The following TIMM50 variants were observed in gnomAD, a reference collection of about 807,000 sequenced individuals.
TIMM50 encodes the protein mitochondrial import inner membrane translocase subunit TIM50.
Under a neutral mutation model 49.6 loss-of-function variants are expected in TIMM50, and 34 were observed. The ratio of observed to expected loss-of-function variants is 0.69; its 90% CI spans 0.52 to 0.91. TIMM50 has a LOEUF of 0.91. Among genes scored for constraint, TIMM50 ranks in the 40% least tolerant of loss-of-function variants. The pLI is 0.00. For synonymous variants in TIMM50, 199 were observed against 198.4 expected (o/e 1.00, Z -0.03); for missense variants, 458 against 477.8 (o/e 0.96, Z 0.39).
intron 2 of TIMM50, among the ~76,000 whole-genome samples, chr19:39,482,570 G>A (rs969413135): frequency 6.6e-6 from 1 of 151,732 alleles, no homozygotes; most frequent in Non-Finnish European, 1.5e-5. Flanking sequence ...TGAGGCAGGA[G>A]AATGGCGTGA....
chr19:39,486,356 G>T lies in TIMM50; in HGVS notation c.598-41G>T, dbSNP rs757361265. 4 of 1,613,306 alleles carry T rather than the reference G, an allele frequency of 2.5e-6. No homozygotes were observed. In the Admixed American group the frequency reaches 5.0e-5, roughly 20 times the overall value. The stretch of plus-strand genomic sequence containing the variant: ...GGAGGCGTAGAGATCTGGAGGACCA[G>T]GGCTCAGCCTGACCTTTTCTCGCTC... On this transcript the variant is annotated intron_variant, in intron 7 of 10. Coordinates refer to ENST00000607714, the MANE Select transcript of TIMM50 (RefSeq NM_001001563.5).
At position 39,480,876 on chromosome 19, in the gene TIMM50, T is replaced by C. The variant is rs1292883054; in HGVS notation, c.23T>C (p.Phe8Ser). Residue 8 changes from phenylalanine (F) to serine (S), a missense_variant, in exon 1 of 11, where the codon TTC (phenylalanine) becomes TCC (serine). By Grantham distance (155) the Phe-to-Ser change is radical (BLOSUM62 -2). Coordinates refer to ENST00000607714, the MANE Select transcript of TIMM50 (RefSeq NM_001001563.5). ...AAGATGGCGGCCTCGGCAGCGGTGT[T>C]CTCGCGCTTGCGAAGCGGGCTCCGG... The part of the protein sequence containing the change: MAASAAV[F>S]SRLRSGLRLG... 3 of 1,600,082 alleles carry C rather than the reference T, an allele frequency of 1.9e-6. No homozygotes were observed. The highest frequency in any genetic ancestry group is 4.5e-5 in the East Asian group (2 of 44,556).
At chr19:39,486,609 C>G in intron 8 of TIMM50, 114 bp downstream of exon 8, 1 of 952,526 alleles carries the variant, frequency 1.0e-6, no homozygotes, top group Non-Finnish European at 1.6e-6. Flanking sequence ...TGCCCAGATT[C>G]GATTCCTGCT....
chr19:39,490,025 G>C lies in TIMM50; in HGVS notation c.*205G>C, dbSNP rs1231405425. On this transcript the variant is annotated 3_prime_UTR_variant, in exon 11 of 11. Transcript: ENST00000607714. ...GGCTGATCGGCTGCCAAGCACAGTG[G>C]GGGTGCTTTGTTGGATCAGAGCAGA... 3.4e-6 allele frequency: 2 copies of C among 583,918 alleles called. No individual in the cohort carries two copies. The highest frequency in any genetic ancestry group is 6.1e-6 in the Non-Finnish European group (2 of 328,154). 36.2% of individuals were successfully genotyped at this position (583,918 alleles called of 1,614,324 possible). A position where few individuals can be genotyped will look rare whatever the true frequency, so the allele number is the denominator to read the frequency against.
Position 39,492,009 on chromosome 19 carries a change from G to A in TIMM50, c.*2189G>A, listed in dbSNP as rs1229941681. On this transcript the variant is annotated 3_prime_UTR_variant, in exon 11 of 11. Coordinates refer to ENST00000607714, the MANE Select transcript of TIMM50 (RefSeq NM_001001563.5). ...TGAGATTATAGGAGTGAGCCACTCT[G>A]CCCAACTACTTTTAATTAAATAGCC... 1 of 151,936 alleles carries A rather than the reference G, an allele frequency of 6.6e-6. No individual in the cohort carries two copies. 9.4% of individuals were successfully genotyped at this position (151,936 alleles called of 1,614,324 possible). A position where few individuals can be genotyped will look rare whatever the true frequency, so the allele number is the denominator to read the frequency against.
In TIMM50 at chr19:39,489,946, C is replaced by T. The variant is rs1309343924; in HGVS notation, c.*126C>T. The T allele has an allele frequency of 1.1e-6, 1 of 905,374 alleles. No individual in the cohort carries two copies. Among genetic ancestry groups the T allele is most frequent in the East Asian group, 2.7e-5 (1 of 37,570 alleles). The allele number at this position is 905,374 out of a possible 1,614,324, so 56.1% of individuals were successfully genotyped here. A position where few individuals can be genotyped will look rare whatever the true frequency, so the allele number is the denominator to read the frequency against. ...CACACCTGCTGTGTCCCGAGAGTCT[C>T]CAGATGGGGGCATCAGGGTGAGGTC... On this transcript the variant is annotated 3_prime_UTR_variant, in exon 11 of 11. Transcript: ENST00000607714.
chr19:39,487,023 G>A (rs916515370), intron 8 of TIMM50, among the ~76,000 whole-genome samples: 2 of 152,096 alleles, frequency 1.3e-5, no homozygotes, highest in Non-Finnish European at 2.9e-5. Flanking sequence ...GGCTGTGATC[G>A]AGGGTCTTGA....
Position 39,486,177 on chromosome 19 carries a change from G to A in TIMM50, c.493-10G>A, listed in dbSNP as rs1395773158. ...GTCTTGGTGTTTCACTGTCCTCACT[G>A]TCTTCCCAGCTGGCCACTGGCTGGA... On this transcript the variant is annotated splice_polypyrimidine_tract_variant and intron_variant, in intron 6 of 10. Transcript: ENST00000607714. 1 of 1,614,032 alleles carries A rather than the reference G, an allele frequency of 6.2e-7. No individual in the cohort carries two copies. Among genetic ancestry groups the A allele is most frequent in the Admixed American group, 1.7e-5 (1 of 60,024 alleles).
chr19:39,488,462 C>A, intron 9 of TIMM50, 77 bp from the exon 10 acceptor site: 1 of 1,385,534 alleles, frequency 7.2e-7, no homozygotes, highest in Non-Finnish European at 1.0e-6. Context: ...TGCCCCAGTG[C>A]GGGACGTTCC....
At chr19:39,483,991 G>A (rs1348672338) in intron 4 of TIMM50, among the ~76,000 whole-genome samples, 1 of 151,826 alleles carries the variant, frequency 6.6e-6, no homozygotes, top group Non-Finnish European at 1.5e-5. Context: ...GTAGCTGGGA[G>A]TACAGGCGCA....
chr19:39,488,365 A>C, intron 9 of TIMM50, 148 bp downstream of exon 9: 1 of 1,165,956 alleles, frequency 8.6e-7, no homozygotes, highest in South Asian at 1.5e-5. Context: ...TAGGATGTTC[A>C]TGGAATGTTT....
At position 39,491,490 on chromosome 19, in the gene TIMM50, G is replaced by C. The variant is rs1600744999; in HGVS notation, c.*1670G>C. On this transcript the variant is annotated 3_prime_UTR_variant, in exon 11 of 11. Coordinates refer to ENST00000607714, the MANE Select transcript of TIMM50 (RefSeq NM_001001563.5). ...CCCCACATAAAGTTTCTGAGCACTT[G>C]AAATGTGGCTAGTGTGACTGAGAAA... The C allele has an allele frequency of 6.6e-6, 1 of 151,536 alleles. No homozygotes were observed. The highest frequency in any genetic ancestry group is 2.0e-4 in the East Asian group (1 of 5,034). 9.4% of individuals were successfully genotyped at this position (151,536 alleles called of 1,614,324 possible).
chr19:39,486,180 T>A lies in TIMM50; in HGVS notation c.493-7T>A, dbSNP rs2079504256. The A allele has an allele frequency of 1.2e-6, 2 of 1,614,046 alleles. No homozygotes were observed. Among genetic ancestry groups the A allele is most frequent in the Non-Finnish European group, 1.7e-6 (2 of 1,179,928 alleles). ...TTGGTGTTTCACTGTCCTCACTGTC[T>A]TCCCAGCTGGCCACTGGCTGGAGGT... On this transcript the variant is annotated splice_polypyrimidine_tract_variant and splice_region_variant and intron_variant, in intron 6 of 10. Transcript: ENST00000607714.
Position 39,492,883 on chromosome 19 carries a change from A to AAC in TIMM50, c.*3064_*3065insCA, listed in dbSNP as rs1555752643. 1.4e-5 allele frequency: 2 copies of AAC among 138,528 alleles called. No homozygotes were observed. Among genetic ancestry groups the AAC allele is most frequent in the Non-Finnish European group, 3.1e-5 (2 of 63,802 alleles). 8.6% of individuals were successfully genotyped at this position (138,528 alleles called of 1,614,324 possible). A position where few individuals can be genotyped will look rare whatever the true frequency, so the allele number is the denominator to read the frequency against. On this transcript the variant is annotated 3_prime_UTR_variant, in exon 11 of 11. Coordinates refer to ENST00000607714, the MANE Select transcript of TIMM50 (RefSeq NM_001001563.5). ...AAGGCTCTGTCTCCAAAAAAAAAAA[A>AAC]AAAAAAAAACAAAAAAAAAACCAGT...
chr19:39,484,870 C>T lies in TIMM50; in HGVS notation c.314-674C>T, dbSNP rs150568789. 3.4e-3 allele frequency among the ~76,000 whole-genome samples: 510 copies of T among 152,172 alleles called. 12 individuals carry two copies. The East Asian group carries it at 0.051, about 15-fold the overall frequency. ...TGAGCCCAGGAGTTCAAGACCAGCC[C>T]GGTCAACAGAGCAAGACCCTGTCTC... On this transcript the variant is annotated intron_variant, in intron 4 of 10. Transcript: ENST00000607714.
In TIMM50 at chr19:39,481,951, T is replaced by A; in HGVS notation, c.177T>A (p.Gly59=). ...QGPQQQPGSE[G]PSYAKKVALW... is the part of the protein sequence containing the mutation. Reference sequence around the variant, plus strand: ...CACAGCAGCAGCCGGGCTCAGAGGGTCCCAGCTATGCCAAAAAAGTTGCGC... The same window carrying A: ...CACAGCAGCAGCCGGGCTCAGAGGGACCCAGCTATGCCAAAAAAGTTGCGC... Residue 59 remains glycine (G), a synonymous_variant, in exon 2 of 11, where the codon GGT becomes GGA. Coordinates refer to ENST00000607714, the MANE Select transcript of TIMM50 (RefSeq NM_001001563.5). 2 of 1,614,120 alleles carry A rather than the reference T, an allele frequency of 1.2e-6. No homozygotes were observed. The highest frequency in any genetic ancestry group is 8.5e-7 in the Non-Finnish European group (1 of 1,180,026).
intron 10 of TIMM50, 116 bp from the exon 11 acceptor site, chr19:39,489,603 G>T: frequency 3.9e-6 from 4 of 1,023,754 alleles, no homozygotes; most frequent in Non-Finnish European, 5.6e-6. Context: ...GTCTGGACTT[G>T]GCAGAAGTCA....
Position 39,492,475 on chromosome 19 carries a change from G to A in TIMM50, c.*2655G>A, listed in dbSNP as rs953657005. On this transcript the variant is annotated 3_prime_UTR_variant, in exon 11 of 11. Transcript: ENST00000607714. ...ATGGGGTGATGGTAGTATGTTAGCA[G>A]AGTGGTTGTGAGGAGTGAACGGGAC... 2.0e-5 allele frequency: 3 copies of A among 152,194 alleles called. No individual in the cohort carries two copies. Among genetic ancestry groups the A allele is most frequent in the African/African-American group, 4.8e-5 (2 of 41,428 alleles). The allele number at this position is 152,194 out of a possible 1,614,324, so 9.4% of individuals were successfully genotyped here.
chr19:39,488,471 C>A, intron 9 of TIMM50, 68 bp from the exon 10 acceptor site: 2 of 1,457,844 alleles, frequency 1.4e-6, no homozygotes, highest in Non-Finnish European at 1.9e-6. Flanking sequence ...GCGGGACGTT[C>A]CCCTCATGGG....
Sources: allele counts gnomAD v4.1 joint callset (sites outside exome capture counted in the v4.1 genomes callset), GRCh38; gene constraint gnomAD v4.1.1; transcripts MANE v1.5; gene names NCBI Gene and HGNC (gene_info 2026-07-23, HGNC 2026-07-21).